The following CDH2 variants were observed in gnomAD, a reference collection of about 807,000 sequenced individuals.
CDH2 encodes cadherin-2.
Under a neutral mutation model 92.0 loss-of-function variants are expected in CDH2, and 17 were observed. The ratio of observed to expected loss-of-function variants is 0.18; its 90% CI spans 0.13 to 0.28. CDH2 has a LOEUF of 0.28. CDH2 is among the 10% of genes least tolerant of loss of function. The pLI is 1.00. For missense variants in CDH2, 862 were observed against 1,133.1 expected, an observed-to-expected ratio of 0.76 and a Z score of 3.44; for synonymous variants, 419 against 415.9, an observed-to-expected ratio of 1.01 and a Z score of -0.09.
intron 1 of CDH2, among the ~76,000 whole-genome samples, chr18:28,167,107 C>T (rs967573951): frequency 1.3e-5 from 2 of 151,986 alleles, no homozygotes; most frequent in Non-Finnish European, 2.9e-5. Flanking sequence ...TAAGAAGCAT[C>T]GCTGAAAAGA....
intron 2 of CDH2, among the ~76,000 whole-genome samples, chr18:28,079,612 C>T (rs11564404): frequency 7.2e-5 from 11 of 152,106 alleles, no homozygotes; most frequent in South Asian, 2.1e-4. Flanking sequence ...ATTGATGTTA[C>T]GGTTAATGGT....
At chr18:27,943,391 G>GA (rs2143837082) in intron 6 of CDH2, among the ~76,000 whole-genome samples, 1 of 152,212 alleles carries the variant, frequency 6.6e-6, no homozygotes, top group Admixed American at 6.5e-5. Context: ...AAGAAATCAG[G>GA]AAAAATAAAA....
chr18:28,106,558 T>C (rs1189819141), intron 2 of CDH2, among the ~76,000 whole-genome samples: 1 of 152,074 alleles, frequency 6.6e-6, no homozygotes, highest in Non-Finnish European at 1.5e-5. Flanking sequence ...TAAAAATTTC[T>C]AGGTATGATT....
At chr18:28,105,523 GA>G (rs1030767765) in intron 2 of CDH2, among the ~76,000 whole-genome samples, 2 of 151,010 alleles carry the variant, frequency 1.3e-5, no homozygotes, top group South Asian at 2.1e-4. Flanking sequence ...CTTTTCATGA[GA>G]AAAAAAATAC....
intron 2 of CDH2, among the ~76,000 whole-genome samples, chr18:28,026,027 C>T (rs2144070472): frequency 6.6e-6 from 1 of 152,202 alleles, no homozygotes; most frequent in East Asian, 1.9e-4. Flanking sequence ...GCTATGAAGT[C>T]ACCAATAAGT....
At chr18:28,067,288 A>G (rs1365857753) in intron 2 of CDH2, among the ~76,000 whole-genome samples, 2 of 152,160 alleles carry the variant, frequency 1.3e-5, no homozygotes, top group African/African-American at 2.4e-5. Context: ...ACAGCTGTAC[A>G]TCTATTACCA....
At chr18:28,137,449 T>C (rs2015881456) in intron 2 of CDH2, among the ~76,000 whole-genome samples, 1 of 152,172 alleles carries the variant, frequency 6.6e-6, no homozygotes, top group Non-Finnish European at 1.5e-5. Flanking sequence ...TGTTGGTGAC[T>C]TTCTCCTTAT....
chr18:28,131,823 T>C (rs1455000652), intron 2 of CDH2, among the ~76,000 whole-genome samples: 2 of 152,130 alleles, frequency 1.3e-5, no homozygotes, highest in African/African-American at 2.4e-5. Context: ...AACGATGTCA[T>C]TAAAAATATT....
intron 1 of CDH2, among the ~76,000 whole-genome samples, chr18:28,154,078 T>C (rs1486683240): frequency 6.6e-6 from 1 of 152,194 alleles, no homozygotes; most frequent in Non-Finnish European, 1.5e-5. Flanking sequence ...TCTGGAAACC[T>C]TTCTGAACGT....
At chr18:28,175,179 G>A (rs1013682290) in intron 1 of CDH2, among the ~76,000 whole-genome samples, 1 of 152,182 alleles carries the variant, frequency 6.6e-6, no homozygotes, top group African/African-American at 2.4e-5. Context: ...TATAACAGGA[G>A]GTACTTTTGT....
chr18:27,973,818 G>A (rs908562092), intron 14 of CDH2, among the ~76,000 whole-genome samples: 4 of 152,080 alleles, frequency 2.6e-5, no homozygotes, highest in Admixed American at 2.0e-4. Context: ...CATCCTCCAT[G>A]CCCTGTTGTC....
In CDH2 at chr18:28,063,916, A is replaced by T. The variant is rs532916715; in HGVS notation, c.173-50007T>A. On this transcript the variant is annotated intron_variant, in intron 2 of 15. Transcript: ENST00000269141. ...CTATATTCTGTAATCTTCAAAAATC[A>T]CCAGCAGCACAGTATATTGCAAATA... Among the ~76,000 whole-genome samples the T allele has an allele frequency of 6.7e-4, 102 of 152,342 alleles. 1 individual carries two copies. Among genetic ancestry groups the T allele is most frequent in the Non-Finnish European group, 1.2e-3 (82 of 68,042 alleles).
intron 14 of CDH2, 88 bp downstream of exon 14, chr18:27,982,856 C>T: frequency 1.3e-6 from 1 of 771,626 alleles, no homozygotes; most frequent in Non-Finnish European, 1.9e-6. Context: ...AAACCTGATA[C>T]CATTTTCTTA....
At chr18:28,073,345 C>T (rs1015278338) in intron 2 of CDH2, among the ~76,000 whole-genome samples, 8 of 152,088 alleles carry the variant, frequency 5.3e-5, no homozygotes, top group Non-Finnish European at 7.4e-5. Context: ...AAAGCTTAAA[C>T]GGGTTCAAGT....
intron 2 of CDH2, among the ~76,000 whole-genome samples, chr18:28,047,803 A>T (rs989373803): frequency 7.2e-6 from 1 of 139,628 alleles, no homozygotes; most frequent in Non-Finnish European, 1.5e-5. Context: ...CGGAAGGCGG[A>T]GCTTGCAGTG....
intron 2 of CDH2, among the ~76,000 whole-genome samples, chr18:28,016,912 G>A (rs1171726518): frequency 1.3e-5 from 2 of 152,026 alleles, no homozygotes; most frequent in Non-Finnish European, 2.9e-5. Flanking sequence ...TGTTTATATG[G>A]TGTATCACAT....
chr18:28,002,287 C>G (rs995168753), intron 7 of CDH2, among the ~76,000 whole-genome samples: 1 of 152,074 alleles, frequency 6.6e-6, no homozygotes, highest in African/African-American at 2.4e-5. Flanking sequence ...CACAGTGGGT[C>G]GAGGCCTGTA....
chr18:28,125,359 A>C (rs751302311), intron 2 of CDH2, among the ~76,000 whole-genome samples: 1 of 152,204 alleles, frequency 6.6e-6, no homozygotes, highest in Non-Finnish European at 1.5e-5. Flanking sequence ...ACCTAATGTA[A>C]AAACTAATAT....
chr18:28,160,505 A>C (rs539324558), intron 1 of CDH2, among the ~76,000 whole-genome samples: 2 of 152,356 alleles, frequency 1.3e-5, no homozygotes, highest in African/African-American at 4.8e-5. Context: ...AGGTGGGGAC[A>C]GCATGGATTC....
Sources: allele counts gnomAD v4.1 joint callset (sites outside exome capture counted in the v4.1 genomes callset), GRCh38; gene constraint gnomAD v4.1.1; transcripts MANE v1.5; gene names NCBI Gene and HGNC (gene_info 2026-07-23, HGNC 2026-07-21).